A2M: variants seen among roughly 807,000 people sequenced by gnomAD.
A2M encodes alpha-2-macroglobulin.
Under a neutral mutation model 183.9 loss-of-function variants are expected in A2M, and 128 were observed. That is an observed-to-expected ratio of 0.70 (90% CI 0.60 to 0.81). The LOEUF is 0.81. Among genes scored for constraint, A2M ranks in the 30% least tolerant of loss-of-function variants. The pLI, the probability that A2M is intolerant of heterozygous loss-of-function variation, is 0.00. For missense variants in A2M, 1,495 were observed against 1,787.6 expected (o/e 0.84, Z 2.95); for synonymous variants, 592 against 670.8 (o/e 0.88, Z 1.81).
chr12:9,095,798 G>C, intron 15 of A2M, 98 bp from the exon 16 acceptor site: 1 of 1,098,070 alleles, frequency 9.1e-7, no homozygotes, highest in Non-Finnish European at 1.2e-6. Flanking sequence ...TGTCGCCCAG[G>C]CCGGACCGCG....
At chr12:9,080,803 AT>A (rs1282794906) in intron 22 of A2M, among the ~76,000 whole-genome samples, 1 of 152,190 alleles carries the variant, frequency 6.6e-6, no homozygotes, top group Admixed American at 6.5e-5. Flanking sequence ...TGAAATGAAA[AT>A]GAGAGAAGTA....
intron 4 of A2M, among the ~76,000 whole-genome samples, chr12:9,110,885 A>G (rs941557169): frequency 6.6e-6 from 1 of 152,182 alleles, no homozygotes; most frequent in African/African-American, 2.4e-5. Flanking sequence ...ATATACATGT[A>G]AAGTGCCATT....
intron 28 of A2M, among the ~76,000 whole-genome samples, chr12:9,076,227 A>G (rs10842820): frequency 0.38 from 57,509 of 152,106 alleles, 11,618 homozygotes; most frequent in African/African-American, 0.49. Context: ...TGATATGTTA[A>G]TTGTAATAAC....
intron 10 of A2M, among the ~76,000 whole-genome samples, chr12:9,105,301 A>G (rs1938198625): frequency 6.6e-6 from 1 of 152,256 alleles, no homozygotes; most frequent in Non-Finnish European, 1.5e-5. Flanking sequence ...TTCTAGCTAG[A>G]GAGTCTTATG....
chr12:9,106,514 G>A lies in A2M; in HGVS notation c.971C>T (p.Ala324Val). The change falls in exon 9 of 36, where the codon GCC becomes GTC. Residue 324 changes from alanine (A) to valine (V), a missense_variant. Transcript: ENST00000318602. Reference protein sequence around the residue: ...KEYEMKLHTEAQIQEEGTVVE... With the variant: ...KEYEMKLHTEVQIQEEGTVVE... ...ACCTGTTCCTTCTTCTTGGATCTGG[G>A]CCTCAGTGTGAAGTTTCATTTCATA... is the stretch of plus-strand genomic sequence containing the variant. 1.3e-6 allele frequency: 2 copies of A among 1,597,508 alleles called. No homozygotes were observed. Among genetic ancestry groups the A allele is most frequent in the Non-Finnish European group, 1.7e-6 (2 of 1,170,190 alleles).
At chr12:9,073,653 C>T (rs117539141) in intron 29 of A2M, among the ~76,000 whole-genome samples, 212 of 152,176 alleles carry the variant, frequency 1.4e-3, no homozygotes, top group Non-Finnish European at 2.2e-3. Flanking sequence ...AGCAAACATC[C>T]GAATTCTCTG....
At chr12:9,096,736 A>G (rs1216883709) in intron 15 of A2M, among the ~76,000 whole-genome samples, 1 of 152,230 alleles carries the variant, frequency 6.6e-6, no homozygotes, top group Non-Finnish European at 1.5e-5. Context: ...ACACTTTCTC[A>G]AAGTATCTTA....
chr12:9,095,551 G>GTA lies in A2M; in HGVS notation c.1999_2000dup (p.Ser668ThrfsTer4). The GTA allele has an allele frequency of 6.2e-7, 1 of 1,611,736 alleles. No individual in the cohort carries two copies. Among genetic ancestry groups the GTA allele is most frequent in the Non-Finnish European group, 8.5e-7 (1 of 1,178,248 alleles). On this transcript the variant is annotated frameshift_variant, in exon 16 of 36. Coordinates refer to ENST00000318602, the MANE Select transcript of A2M (RefSeq NM_000014.6). LOFTEE classifies it high-confidence loss of function. ...ATAAGGAGTTTACCTCTAGGAAGCT[G>GTA]TACATATCCTTTTCATTTGTACTTG... is the stretch of plus-strand genomic sequence containing the variant.
At chr12:9,091,537 T>C in intron 18 of A2M, 108 bp from the exon 19 acceptor site, 1 of 1,103,462 alleles carries the variant, frequency 9.1e-7, no homozygotes, top group East Asian at 2.5e-5. Flanking sequence ...AAACACTCAA[T>C]AGAAATACCA....
At position 9,098,690 on chromosome 12, in the gene A2M, C is replaced by G; in HGVS notation, c.1768G>C (p.Ala590Pro). 6.2e-7 allele frequency: 1 copy of G among 1,612,120 alleles called. No homozygotes were observed. Among genetic ancestry groups the G allele is most frequent in the Non-Finnish European group, 8.5e-7 (1 of 1,179,408 alleles). ...ASHAHLRVTAAPQSVCALRAV... is the reference protein window; with the variant it reads ...ASHAHLRVTAPPQSVCALRAV... ...CGGAGGGCGCAGACGGACTGAGGAG[C>G]CGCTGTGACTCGCAGGTGGGCGTGT... The change falls in exon 15 of 36, where the codon GCT becomes CCT. Residue 590 changes from alanine (A) to proline (P), a missense_variant. Physicochemically the swap from Ala to Pro is conservative, Grantham distance 27. Coordinates refer to ENST00000318602, the MANE Select transcript of A2M (RefSeq NM_000014.6).
At chr12:9,101,404 C>G in intron 12 of A2M, 43 bp downstream of exon 12, 1 of 1,524,054 alleles carries the variant, frequency 6.6e-7, no homozygotes, top group East Asian at 2.3e-5. Flanking sequence ...CCACAGAGAG[C>G]TTTTGTCTAC....
intron 18 of A2M, among the ~76,000 whole-genome samples, chr12:9,091,796 G>A (rs999051889): frequency 4.6e-5 from 7 of 152,100 alleles, no homozygotes; most frequent in African/African-American, 1.7e-4. Context: ...ATTTAACTCA[G>A]GATTGCTAAC....
intron 8 of A2M, among the ~76,000 whole-genome samples, chr12:9,107,207 A>G (rs1938361250): frequency 1.3e-5 from 2 of 152,156 alleles, no homozygotes; most frequent in Admixed American, 1.3e-4. Context: ...TTGTTCACAG[A>G]GAGAGCAGAA....
At chr12:9,111,275 T>A (rs1036424662) in intron 4 of A2M, among the ~76,000 whole-genome samples, 1 of 152,172 alleles carries the variant, frequency 6.6e-6, no homozygotes, top group Non-Finnish European at 1.5e-5. Context: ...TTAATGGAGC[T>A]TATGTTATAA....
chr12:9,103,876 G>T (rs1237176210), intron 11 of A2M, among the ~76,000 whole-genome samples: 3 of 152,174 alleles, frequency 2.0e-5, no homozygotes, highest in Admixed American at 2.0e-4. Flanking sequence ...ATGAACACGG[G>T]TGTGCAAATA....
At chr12:9,108,595 A>G (rs993761104) in intron 7 of A2M, among the ~76,000 whole-genome samples, 1 of 152,206 alleles carries the variant, frequency 6.6e-6, no homozygotes, top group Non-Finnish European at 1.5e-5. Flanking sequence ...TGTGAGACAG[A>G]ACTGGAGCAG....
chr12:9,074,180 T>C (rs148056446), intron 29 of A2M, among the ~76,000 whole-genome samples: 3 of 151,644 alleles, frequency 2.0e-5, no homozygotes, highest in African/African-American at 7.2e-5. Flanking sequence ...ATGGAGAGAT[T>C]TGCGAGGAGA....
intron 34 of A2M, 21 bp from the exon 35 acceptor site, chr12:9,068,245 A>C (rs757350144): frequency 6.9e-6 from 11 of 1,601,402 alleles, no homozygotes; most frequent in Non-Finnish European, 9.3e-6. Context: ...AAAAACCAAC[A>C]AAAAACCAGA....
At position 9,093,891 on chromosome 12, in the gene A2M, TCAAACAAACAAA is replaced by T. The variant is rs3832851; in HGVS notation, c.2126-324_2126-313del. On this transcript the variant is annotated intron_variant, in intron 17 of 35. Coordinates refer to ENST00000318602, the MANE Select transcript of A2M (RefSeq NM_000014.6). ...CTGAGCGACAGAGTGAGACTTCGTC[TCAAACAAACAAA>T]CAAACAAACAAACAACAAAAAAAAA... Among the ~76,000 whole-genome samples, 151 of 151,020 alleles carry T rather than the reference TCAAACAAACAAA, an allele frequency of 1.0e-3. 1 individual carries two copies. Among genetic ancestry groups the T allele is most frequent in the African/African-American group, 2.9e-3 (120 of 40,768 alleles).
Sources: allele counts gnomAD v4.1 joint callset (sites outside exome capture counted in the v4.1 genomes callset), GRCh38; gene constraint gnomAD v4.1.1; transcripts MANE v1.5; gene names NCBI Gene and HGNC (gene_info 2026-07-23, HGNC 2026-07-21).